RIMBP2: variants seen among roughly 807,000 people sequenced by gnomAD.
RIMBP2 encodes RIMS binding protein 2.
A neutral mutation model predicts 118.6 loss-of-function variants in RIMBP2; 48 were observed. That is an observed-to-expected ratio of 0.40 (90% confidence interval 0.32 to 0.51). The LOEUF is 0.51. Among genes scored for constraint, RIMBP2 ranks in the 20% least tolerant of loss-of-function variants. The probability of loss-of-function intolerance (pLI) is 0.41; values close to 1 mark genes in which losing one functional copy is unlikely to be tolerated. For missense variants in RIMBP2, 1,551 were observed against 1,768.3 expected (o/e 0.88, Z 2.20); for synonymous variants, 762 against 742.9 (o/e 1.03, Z -0.42).
At chr12:130,709,306 T>A (rs1949725845) in intron 1 of RIMBP2, among the ~76,000 whole-genome samples, 1 of 151,980 alleles carries the variant, frequency 6.6e-6, no homozygotes, top group Admixed American at 6.5e-5. Flanking sequence ...CAGAGACAAT[T>A]ATTGAGCCCC....
At chr12:130,507,934 G>A (rs2050521510) in intron 3 of RIMBP2, among the ~76,000 whole-genome samples, 1 of 152,160 alleles carries the variant, frequency 6.6e-6, no homozygotes, top group Non-Finnish European at 1.5e-5. Context: ...AGAAAGGGAG[G>A]CACCCACTTG....
chr12:130,459,289 GAA>G (rs76094386), intron 6 of RIMBP2, among the ~76,000 whole-genome samples: 26 of 138,522 alleles, frequency 1.9e-4, no homozygotes, highest in African/African-American at 6.9e-4. Flanking sequence ...AGCTATATAC[GAA>G]AAAAAAAAAA....
chr12:130,673,412 G>A (rs1048217110), intron 1 of RIMBP2, among the ~76,000 whole-genome samples: 17 of 152,194 alleles, frequency 1.1e-4, no homozygotes, highest in African/African-American at 3.6e-4. Flanking sequence ...GAGCTGTAGC[G>A]AAGGAGGCTG....
At chr12:130,541,313 G>C (rs894552290) in intron 2 of RIMBP2, among the ~76,000 whole-genome samples, 4 of 152,218 alleles carry the variant, frequency 2.6e-5, no homozygotes, top group Non-Finnish European at 5.9e-5. Context: ...TGTGATCACA[G>C]AGGGATCCCT....
intron 2 of RIMBP2, among the ~76,000 whole-genome samples, chr12:130,562,069 A>G (rs1593806859): frequency 6.6e-6 from 1 of 152,322 alleles, no homozygotes; most frequent in East Asian, 1.9e-4. Context: ...TCAGACACAC[A>G]AGGAGGGGAG....
At chr12:130,646,629 T>A (rs1330957254) in intron 1 of RIMBP2, among the ~76,000 whole-genome samples, 1 of 152,136 alleles carries the variant, frequency 6.6e-6, no homozygotes, top group Non-Finnish European at 1.5e-5. Flanking sequence ...ATCTTAGAGG[T>A]ATAGGGAGCT....
intron 2 of RIMBP2, among the ~76,000 whole-genome samples, chr12:130,543,416 G>A (rs1307210882): frequency 6.6e-6 from 1 of 152,044 alleles, no homozygotes; most frequent in Non-Finnish European, 1.5e-5. Context: ...AAAGGAAATG[G>A]GAGTTGTCAT....
Position 130,617,068 on chromosome 12 carries a change from C to T in RIMBP2, c.-217+11254G>A, listed in dbSNP as rs1221764499. ...GGTTCCACCCCATCTCTCATTTTTCCAGGACTGCCAGCCTTACATCTCATG... is the reference window on the plus strand; with the variant it reads ...GGTTCCACCCCATCTCTCATTTTTCTAGGACTGCCAGCCTTACATCTCATG... On this transcript the variant is annotated intron_variant, in intron 2 of 22. Coordinates refer to ENST00000690449, the MANE Select transcript of RIMBP2 (RefSeq NM_001393629.1). This position sits in a 1 kb window ranked among gnomAD's most constrained non-coding sequence, Gnocchi z 4.6. 2.0e-5 allele frequency among the ~76,000 whole-genome samples: 3 copies of T among 152,144 alleles called. No homozygotes were observed. Among genetic ancestry groups the T allele is most frequent in the Non-Finnish European group, 4.4e-5 (3 of 68,020 alleles).
chr12:130,410,246 G>A (rs1252214010), intron 19 of RIMBP2, among the ~76,000 whole-genome samples: 1 of 152,168 alleles, frequency 6.6e-6, no homozygotes, highest in Non-Finnish European at 1.5e-5. Context: ...TCTTATTGAT[G>A]AGTTTTGAAA....
chr12:130,480,169 T>C (rs2081838516), intron 4 of RIMBP2, among the ~76,000 whole-genome samples: 1 of 149,100 alleles, frequency 6.7e-6, no homozygotes, highest in Non-Finnish European at 1.5e-5. Context: ...AGCTGCAAAA[T>C]GCTAGAATTT....
rs2075971167 is a variant in RIMBP2, at chr12:130,414,367, G to C, written c.3239-61C>G. 2.0e-6 allele frequency: 3 copies of C among 1,484,146 alleles called. No homozygotes were observed. The African/African-American group carries it at 4.2e-5, about 21-fold the overall frequency. The allele number at this position is 1,484,146 out of a possible 1,614,324, so 91.9% of individuals were successfully genotyped here. On this transcript the variant is annotated intron_variant, in intron 17 of 22. Coordinates refer to ENST00000690449, the MANE Select transcript of RIMBP2 (RefSeq NM_001393629.1). ...TGAGCCTAACTGAGGAGCGTGCACG[G>C]GAAATGCAGCTTTGGAAAGCAGTGA...
intron 2 of RIMBP2, among the ~76,000 whole-genome samples, chr12:130,529,987 G>C (rs61934572): frequency 0.084 from 12,720 of 152,248 alleles, 671 homozygotes; most frequent in South Asian, 0.16. Context: ...ACCTGTGCTG[G>C]TCCATGGCCC....
intron 5 of RIMBP2, among the ~76,000 whole-genome samples, chr12:130,472,540 C>T (rs1280966762): frequency 6.6e-6 from 1 of 152,234 alleles, no homozygotes; most frequent in African/African-American, 2.4e-5. Flanking sequence ...AATCCATATG[C>T]TACGCTGTGA....
intron 2 of RIMBP2, among the ~76,000 whole-genome samples, chr12:130,628,004 T>C (rs1389151761): frequency 6.6e-6 from 1 of 152,192 alleles, no homozygotes; most frequent in Non-Finnish European, 1.5e-5. Context: ...ATCAATACCC[T>C]AGCACAGCCA....
intron 2 of RIMBP2, among the ~76,000 whole-genome samples, chr12:130,593,418 G>A (rs955152766): frequency 2.0e-5 from 3 of 152,244 alleles, no homozygotes; most frequent in Non-Finnish European, 4.4e-5. Flanking sequence ...CTGAACCTAC[G>A]AATTGAGAGA....
intron 2 of RIMBP2, among the ~76,000 whole-genome samples, chr12:130,555,153 C>A (rs925993064): frequency 2.0e-5 from 3 of 152,212 alleles, no homozygotes; most frequent in Non-Finnish European, 2.9e-5. Flanking sequence ...CGATCTGACT[C>A]CAGTGTTTGG....
intron 6 of RIMBP2, among the ~76,000 whole-genome samples, chr12:130,458,716 C>T (rs980829207): frequency 8.7e-6 from 1 of 115,438 alleles, no homozygotes; most frequent in Non-Finnish European, 1.9e-5. Flanking sequence ...GTAACTGGCA[C>T]ACCCATTCCC....
intron 1 of RIMBP2, among the ~76,000 whole-genome samples, chr12:130,673,249 C>T (rs948160493): frequency 6.6e-5 from 10 of 152,228 alleles, no homozygotes; most frequent in Admixed American, 2.6e-4. Flanking sequence ...AACTCGCGGG[C>T]TGGCTCGTCT....
intron 4 of RIMBP2, among the ~76,000 whole-genome samples, chr12:130,500,702 C>A: frequency 6.6e-6 from 1 of 152,222 alleles, no homozygotes; most frequent in South Asian, 2.1e-4. Context: ...CTGTAACTAC[C>A]CCCGTTAACA....
Sources: gnomAD v4.1 joint callset for allele counts (sites outside exome capture counted in the v4.1 genomes callset) on GRCh38, gnomAD v4.1.1 for gene constraint, Gnocchi (gnomAD v3.1) non-coding constraint, MANE v1.5 for transcripts, NCBI Gene and HGNC (gene_info 2026-07-23, HGNC 2026-07-21) for gene names.